Variants in NCOR1 observed in about 807,000 individuals in gnomAD.
The protein encoded by NCOR1 is protein phosphatase 1, regulatory subunit 109.
A neutral mutation model predicts 288.1 loss-of-function variants in NCOR1; 63 were observed. That is an observed-to-expected ratio of 0.22 (90% CI 0.18 to 0.27). The LOEUF (loss-of-function observed/expected upper bound fraction) is 0.27. Among genes scored for constraint, NCOR1 ranks in the 10% least tolerant of loss-of-function variants. The pLI, the probability that NCOR1 is intolerant of heterozygous loss-of-function variation, is 1.00. For synonymous variants in NCOR1, 1,007 were observed against 1,065.9 expected (o/e 0.94, Z 1.08); for missense variants, 2,397 against 3,019.2 (o/e 0.79, Z 4.83).
intron 1 of NCOR1, among the ~76,000 whole-genome samples, chr17:16,197,200 A>C (rs2153568515): frequency 6.6e-6 from 1 of 151,834 alleles, no homozygotes; most frequent in South Asian, 2.1e-4. Context: ...GCGTGCCTGT[A>C]AACCCAGCTG....
At position 16,070,399 on chromosome 17, in the gene NCOR1, T is replaced by C. The variant is rs1190197311; in HGVS notation, c.4279A>G (p.Ile1427Val). The change falls in exon 31 of 46, where the codon ATA becomes GTA. Residue 1427 changes from isoleucine to valine, a missense_variant. Ile to Val is a conservative substitution (Grantham distance 29). Around this residue, in one of 11 missense-constraint regions of NCOR1, gnomAD observed 1,872 missense variants for 2,187.8 expected, o/e 0.86. Coordinates refer to ENST00000268712, the MANE Select transcript of NCOR1 (RefSeq NM_006311.4). ...TATTTTCCCCGTTCTACCACTTTTA[T>C]GTTCTCTGGCACAATTTCCAGCGGA... ...MPPLEIVPEN[I>V]KVVERGKYED... is the part of the protein sequence containing the mutation. 6.2e-7 allele frequency: 1 copy of C among 1,614,200 alleles called. No individual in the cohort carries two copies. The highest frequency in any genetic ancestry group is 8.5e-7 in the Non-Finnish European group (1 of 1,180,038).
chr17:16,187,785 G>T (rs552545383), intron 2 of NCOR1, among the ~76,000 whole-genome samples: 1 of 151,424 alleles, frequency 6.6e-6, no homozygotes. Flanking sequence ...GGCACGTCCC[G>T]GCTACTCTGT....
Position 16,068,054 on chromosome 17 carries a change from T to A in NCOR1, c.4581A>T (p.Glu1527Asp). The A allele has an allele frequency of 6.2e-7, 1 of 1,614,194 alleles. No homozygotes were observed. ...RKSTLTPTQRESIPAKSPVPG... is the reference protein window; with the variant it reads ...RKSTLTPTQRDSIPAKSPVPG... ...GCACTGGAGACTTCGCTGGGATACT[T>A]TCCCTCTGGGTAGGGGTCAGTGTCG... The change falls in exon 32 of 46, where the codon GAA becomes GAT. Residue 1527 changes from glutamate (E) to aspartate (D), a missense_variant. By Grantham distance (45) the Glu-to-Asp change is conservative. Around this residue, in one of 11 missense-constraint regions of NCOR1, gnomAD observed 1,872 missense variants for 2,187.8 expected, o/e 0.86. Coordinates refer to ENST00000268712, the MANE Select transcript of NCOR1 (RefSeq NM_006311.4).
Position 16,075,579 on chromosome 17 carries a change from G to C in NCOR1, c.3625C>G (p.His1209Asp). The change falls in exon 27 of 46, where the codon CAT becomes GAT. Residue 1209 changes from histidine to aspartate, a missense_variant. Transcript: ENST00000268712. ...KGREEAASKG[H>D]VIYEGKSGHI... ...CCACTTTTGCCTTCATAAATAACAT[G>C]GCCTTTGGATGCAGCTTCCTCTCTG... The C allele has an allele frequency of 6.2e-7, 1 of 1,614,096 alleles. No homozygotes were observed. Among genetic ancestry groups the C allele is most frequent in the Non-Finnish European group, 8.5e-7 (1 of 1,180,026 alleles).
chr17:16,046,218 CT>C (rs1487191984), intron 42 of NCOR1, among the ~76,000 whole-genome samples: 3 of 152,184 alleles, frequency 2.0e-5, no homozygotes, highest in African/African-American at 7.2e-5. Context: ...CACAGACGGA[CT>C]TGGACTTGTC....
At chr17:16,096,135 C>G (rs936157267) in intron 21 of NCOR1, among the ~76,000 whole-genome samples, 1 of 152,044 alleles carries the variant, frequency 6.6e-6, no homozygotes, top group African/African-American at 2.4e-5. Context: ...GCAGCATACT[C>G]GTTGAGAGTC....
At chr17:16,091,798 T>C in intron 22 of NCOR1, 65 bp downstream of exon 22, 2 of 1,607,820 alleles carry the variant, frequency 1.2e-6, no homozygotes, top group Non-Finnish European at 1.7e-6. Flanking sequence ...CAATGGACAC[T>C]GCTTTTGGGT....
chr17:16,056,308 C>CTTTTTTTTTTTTTT (rs71299858), intron 40 of NCOR1, among the ~76,000 whole-genome samples: 13 of 96,000 alleles, frequency 1.4e-4, no homozygotes, highest in South Asian at 3.9e-4. Context: ...TTCTTTTTAT[C>CTTTTTTTTTTTTTT]TTTTTTTTTT....
chr17:16,128,366 C>T (rs938657982), intron 14 of NCOR1, among the ~76,000 whole-genome samples: 1 of 152,180 alleles, frequency 6.6e-6, no homozygotes, highest in African/African-American at 2.4e-5. Flanking sequence ...GGGGCCATGT[C>T]CTTCCCTCTC....
At chr17:16,045,190 ATATT>A (rs2152168224) in intron 42 of NCOR1, among the ~76,000 whole-genome samples, 1 of 152,284 alleles carries the variant, frequency 6.6e-6, no homozygotes, top group South Asian at 2.1e-4. Context: ...ATTAGCTAGA[ATATT>A]TACCAACAAT....
intron 1 of NCOR1, among the ~76,000 whole-genome samples, chr17:16,211,735 C>A (rs775654199): frequency 6.6e-6 from 1 of 151,732 alleles, no homozygotes; most frequent in Non-Finnish European, 1.5e-5. Flanking sequence ...TTTGACCACA[C>A]AAGCTACTGG....
At position 16,156,073 on chromosome 17, in the gene NCOR1, G is replaced by A. The variant is rs556805554; in HGVS notation, c.733-2678C>T. On this transcript the variant is annotated intron_variant, in intron 6 of 45. Coordinates refer to ENST00000268712, the MANE Select transcript of NCOR1 (RefSeq NM_006311.4). ...TTTGGGAGACTGAGGCAGGAGGATC[G>A]CCTGAAGCCAGCAGTTCAAGACCTG... Among the ~76,000 whole-genome samples, 170 of 152,214 alleles carry A rather than the reference G, an allele frequency of 1.1e-3. 1 individual carries two copies. Among genetic ancestry groups the A allele is most frequent in the Non-Finnish European group, 1.9e-3 (132 of 68,000 alleles).
chr17:16,125,126 G>A (rs562711478), intron 15 of NCOR1, among the ~76,000 whole-genome samples: 2 of 152,326 alleles, frequency 1.3e-5, no homozygotes, highest in South Asian at 4.1e-4. Context: ...CACTTTGGGA[G>A]GCTGAGGCAG....
intron 21 of NCOR1, among the ~76,000 whole-genome samples, chr17:16,097,569 C>T (rs1174816700): frequency 6.6e-6 from 1 of 152,128 alleles, no homozygotes. Context: ...CTGGTGAACA[C>T]GTGGAGTTGC....
intron 1 of NCOR1, among the ~76,000 whole-genome samples, chr17:16,207,817 T>C (rs1433983553): frequency 6.6e-6 from 1 of 151,598 alleles, no homozygotes. Flanking sequence ...AGCTTATTTG[T>C]GTATAACAAA....
chr17:16,206,751 C>A (rs189781541), intron 1 of NCOR1, among the ~76,000 whole-genome samples: 2 of 151,984 alleles, frequency 1.3e-5, no homozygotes, highest in Admixed American at 1.3e-4. Flanking sequence ...ATAGAGGTAA[C>A]TGAAATAAAT....
chr17:16,047,168 C>T, intron 41 of NCOR1, 75 bp from the exon 42 acceptor site: 2 of 1,453,570 alleles, frequency 1.4e-6, no homozygotes, highest in South Asian at 1.4e-5. Flanking sequence ...ATGATAACAA[C>T]AGTCAGAGAG....
At chr17:16,185,096 G>A (rs142248236) in intron 3 of NCOR1, among the ~76,000 whole-genome samples, 1 of 150,986 alleles carries the variant, frequency 6.6e-6, no homozygotes, top group East Asian at 1.9e-4. Context: ...GAAAGAAAAT[G>A]GGGAGACGAA....
chr17:16,178,599 T>C (rs1016486571), intron 3 of NCOR1, among the ~76,000 whole-genome samples: 1 of 150,434 alleles, frequency 6.6e-6, no homozygotes, highest in African/African-American at 2.4e-5. Flanking sequence ...ACTTTAACAA[T>C]AGAAAATAGG....
Sources: allele counts gnomAD v4.1 joint callset (sites outside exome capture counted in the v4.1 genomes callset), GRCh38; gene constraint gnomAD v4.1.1; regional missense constraint gnomAD v4.1.1; transcripts MANE v1.5; gene names NCBI Gene and HGNC (gene_info 2026-07-23, HGNC 2026-07-21).